Variants in HTR3B observed in about 807,000 individuals in gnomAD.
The protein encoded by HTR3B is 5-hydroxytryptamine receptor 3B.
In HTR3B, 44 loss-of-function variants were observed where a neutral mutation model predicts 42.8. The ratio of observed to expected loss-of-function variants is 1.03; its 90% CI spans 0.81 to 1.32. The LOEUF (loss-of-function observed/expected upper bound fraction) is 1.32, where lower values mean the gene tolerates loss of function less well. Ranked by LOEUF, HTR3B falls within the 40% of genes most tolerant of loss-of-function variation. The probability of loss-of-function intolerance (pLI) is 0.00; values close to 1 mark genes in which losing one functional copy is unlikely to be tolerated. For synonymous variants in HTR3B, 203 were observed against 209.0 expected, an observed-to-expected ratio of 0.97 and a Z score of 0.25; for missense variants, 527 against 536.5, an observed-to-expected ratio of 0.98 and a Z score of 0.17.
upstream of HTR3B, among the ~76,000 whole-genome samples, chr11:113,904,122 G>T (rs1949716834): frequency 6.6e-6 from 1 of 152,018 alleles, no homozygotes; most frequent in Admixed American, 6.6e-5. Context: ...GGAAAATAGT[G>T]TTATTGTATA....
chr11:113,925,457 T>TCTATCACC (rs1174026678), intron 2 of HTR3B, among the ~76,000 whole-genome samples: 2 of 139,498 alleles, frequency 1.4e-5, no homozygotes, highest in Non-Finnish European at 3.1e-5. Flanking sequence ...AGAGGCTCTC[T>TCTATCACC]CTATCACCCA....
At chr11:113,908,036 C>G (rs1412704447) in intron 1 of HTR3B, among the ~76,000 whole-genome samples, 1 of 152,156 alleles carries the variant, frequency 6.6e-6, no homozygotes, top group Non-Finnish European at 1.5e-5. Context: ...GTCCTGCACG[C>G]CTGAATAGCT....
intron 2 of HTR3B, among the ~76,000 whole-genome samples, chr11:113,914,569 G>A (rs748237566): frequency 1.5e-4 from 22 of 151,596 alleles, no homozygotes; most frequent in African/African-American, 4.4e-4. Flanking sequence ...TGCAACCTCC[G>A]CCTCCTAGCT....
chr11:113,933,539 G>A (rs957113092), intron 6 of HTR3B, among the ~76,000 whole-genome samples: 2 of 151,788 alleles, frequency 1.3e-5, no homozygotes, highest in East Asian at 1.9e-4. Context: ...TGCATAATAC[G>A]ATAATATTAT....
intron 8 of HTR3B, 43 bp downstream of exon 8, chr11:113,944,798 A>G (rs1432483240): frequency 1.3e-6 from 2 of 1,582,154 alleles, no homozygotes; most frequent in Admixed American, 1.7e-5. Flanking sequence ...TGGATTGATC[A>G]CCTTAAAAAT....
At chr11:113,926,546 T>TTCCTTTCCTTTCCTTTC (rs1949977302) in intron 2 of HTR3B, among the ~76,000 whole-genome samples, 1 of 148,358 alleles carries the variant, frequency 6.7e-6, no homozygotes. Context: ...TTTTTCTTTT[T>TTCCTTTCCTTTCCTTTC]CAGACAGAGT....
chr11:113,908,836 A>G (rs1949754358), intron 1 of HTR3B, among the ~76,000 whole-genome samples: 2 of 152,126 alleles, frequency 1.3e-5, no homozygotes, highest in South Asian at 4.1e-4. Flanking sequence ...TTTTGGGTTA[A>G]TGGGTTTCTT....
chr11:113,905,591 T>C (rs1949728260), intron 1 of HTR3B, among the ~76,000 whole-genome samples: 2 of 152,208 alleles, frequency 1.3e-5, no homozygotes, highest in African/African-American at 2.4e-5. Context: ...TACTTTTTTT[T>C]CTAAATTTCT....
At chr11:113,903,703 C>T (rs371874579), upstream of HTR3B, among the ~76,000 whole-genome samples, 1 of 152,188 alleles carries the variant, frequency 6.6e-6, no homozygotes, top group African/African-American at 2.4e-5. Flanking sequence ...GCTGGGATTA[C>T]AGGCTTGAGC....
intron 4 of HTR3B, 44 bp downstream of exon 4, chr11:113,931,911 G>T (rs1381743774): frequency 2.7e-6 from 3 of 1,110,822 alleles, no homozygotes; most frequent in Admixed American, 1.7e-5. Flanking sequence ...AGACTGCTTG[G>T]TATAGTCGGG....
chr11:113,948,420 G>A lies in HTR3B; in HGVS notation c.*2283G>A, dbSNP rs1565570754. 1.3e-5 allele frequency among the ~76,000 whole-genome samples: 2 copies of A among 152,200 alleles called. No homozygotes were observed. Among genetic ancestry groups the A allele is most frequent in the Admixed American group, 6.5e-5 (1 of 15,280 alleles). On this transcript the variant is annotated 3_prime_UTR_variant, in exon 9 of 9. Coordinates refer to ENST00000260191, the MANE Select transcript of HTR3B (RefSeq NM_006028.5). ...CAGGAGTCCTGATGATTACGGTCCT[G>A]GCTCTGCCATTACCTAGCCAGGGGA...
rs1367366376 is a variant in HTR3B at position 113,932,366 on chromosome 11, T to A, written c.446T>A (p.Ile149Asn). 2 of 1,613,666 alleles carry A rather than the reference T, an allele frequency of 1.2e-6. No individual in the cohort carries two copies. The highest frequency in any genetic ancestry group is 2.7e-5 in the African/African-American group (2 of 74,920). The part of the protein sequence containing the change: ...SSGTIENYKP[I>N]QVVSACSLET... ...GGGACCATTGAGAACTATAAGCCCA[T>A]CCAGGTGGTCTCTGCGTGCAGTTTA... Residue 149 changes from isoleucine (I) to asparagine (N), a missense_variant, in exon 5 of 9, where the codon ATC becomes AAC. By Grantham distance (149) the Ile-to-Asn change is moderately radical (BLOSUM62 -3). Transcript: ENST00000260191.
intron 6 of HTR3B, among the ~76,000 whole-genome samples, chr11:113,934,651 G>A (rs1370777411): frequency 6.6e-6 from 1 of 152,042 alleles, no homozygotes; most frequent in African/African-American, 2.4e-5. Flanking sequence ...CCTCCTGATG[G>A]TGGGCTTTGG....
At chr11:113,930,143 T>C (rs1319172992) in intron 2 of HTR3B, among the ~76,000 whole-genome samples, 2 of 152,196 alleles carry the variant, frequency 1.3e-5, no homozygotes, top group Non-Finnish European at 2.9e-5. Flanking sequence ...TGCAAATATT[T>C]TCTCCCATTC....
rs1411780209 is a variant in HTR3B at position 113,944,601 on chromosome 11, C to T, written c.936C>T (p.Phe312=). The T allele has an allele frequency of 1.2e-6, 2 of 1,614,178 alleles. No individual in the cohort carries two copies. The highest frequency in any genetic ancestry group is 2.7e-5 in the African/African-American group (2 of 75,056). Reference sequence around the variant, plus strand: ...ACTTCTTCACCATCTGCATGGCCTTCTTGGTTCTCAGCTTAGCTAAGTCCA... The same window carrying T: ...ACTTCTTCACCATCTGCATGGCCTTTTTGGTTCTCAGCTTAGCTAAGTCCA... ...IGHFFTICMA[F]LVLSLAKSIV... Residue 312 remains phenylalanine, a synonymous_variant, in exon 8 of 9, where the codon TTC becomes TTT. Coordinates refer to ENST00000260191, the MANE Select transcript of HTR3B (RefSeq NM_006028.5).
In HTR3B at chr11:113,921,449, G is replaced by A. The variant is rs1024555411; in HGVS notation, c.214-9935G>A. Among the ~76,000 whole-genome samples, 6 of 151,740 alleles carry A rather than the reference G, an allele frequency of 4.0e-5. No homozygotes were observed. The South Asian group carries it at 1.0e-3, about 27-fold the overall frequency. ...GTGAGCCACTGCACCCGGCCCCTTC[G>A]TATTTATTAAGATAAAGAAAATTGC... On this transcript the variant is annotated intron_variant, in intron 2 of 8. Transcript: ENST00000260191.
chr11:113,934,364 AAAGG>A (rs997448002), intron 6 of HTR3B, among the ~76,000 whole-genome samples: 1 of 151,732 alleles, frequency 6.6e-6, no homozygotes, highest in African/African-American at 2.4e-5. Context: ...AAAAGAAAAG[AAAGG>A]AAGGAAGGAA....
In HTR3B at chr11:113,932,996, C is replaced by T. The variant is rs1380625971; in HGVS notation, c.599C>T (p.Ala200Val). 7 of 1,614,036 alleles carry T rather than the reference C, an allele frequency of 4.3e-6. No homozygotes were observed. Among genetic ancestry groups the T allele is most frequent in the East Asian group, 2.2e-5 (1 of 44,876 alleles). The change falls in exon 6 of 9, where the codon GCG becomes GTG. Residue 200 changes from alanine (A) to valine (V), a missense_variant. Coordinates refer to ENST00000260191, the MANE Select transcript of HTR3B (RefSeq NM_006028.5). Reference sequence around the variant, plus strand: ...GAAGACATTCAGCATGACAAAAAGGCGTTTTTGAATGACAGTGAGTGGGAA... The same window carrying T: ...GAAGACATTCAGCATGACAAAAAGGTGTTTTTGAATGACAGTGAGTGGGAA... ...SPEDIQHDKKAFLNDSEWELL... is the reference protein window; with the variant it reads ...SPEDIQHDKKVFLNDSEWELL...
intron 2 of HTR3B, among the ~76,000 whole-genome samples, chr11:113,921,866 T>C (rs1254210898): frequency 6.6e-6 from 1 of 152,220 alleles, no homozygotes; most frequent in Non-Finnish European, 1.5e-5. Flanking sequence ...AATATACTTG[T>C]TTGTTATTAG....
Sources: gnomAD v4.1 joint callset for allele counts (sites outside exome capture counted in the v4.1 genomes callset) on GRCh38, gnomAD v4.1.1 for gene constraint, MANE v1.5 for transcripts, NCBI Gene and HGNC (gene_info 2026-07-23, HGNC 2026-07-21) for gene names.